The following CHST11 variants were observed in gnomAD, a reference collection of about 807,000 sequenced individuals.
The protein encoded by CHST11 is carbohydrate sulfotransferase 11, also known as C4S-1.
In CHST11, 9 loss-of-function variants were observed where a neutral mutation model predicts 30.4. That is an observed-to-expected ratio of 0.30 (90% confidence interval 0.18 to 0.52). The LOEUF is 0.52. Ranked by LOEUF, CHST11 falls within the 20% of genes least tolerant of loss-of-function variation. The pLI, the probability that CHST11 is intolerant of heterozygous loss-of-function variation, is 0.97. For synonymous variants in CHST11, 152 were observed against 187.8 expected (o/e 0.81, Z 1.56); for missense variants, 348 against 460.6 (o/e 0.76, Z 2.24).
chr12:104,672,418 T>A (rs2039705386), intron 2 of CHST11, among the ~76,000 whole-genome samples: 1 of 152,222 alleles, frequency 6.6e-6, no homozygotes, highest in African/African-American at 2.4e-5. Context: ...AGACCATTGC[T>A]TTCTGCTTTC....
intron 1 of CHST11, among the ~76,000 whole-genome samples, chr12:104,509,673 G>A (rs1428957447): frequency 2.0e-5 from 3 of 152,188 alleles, no homozygotes; most frequent in Non-Finnish European, 2.9e-5. Flanking sequence ...TGGTTGCAGA[G>A]GTGTGGAATA....
chr12:104,698,054 G>A (rs1169634167), intron 2 of CHST11, among the ~76,000 whole-genome samples: 1 of 152,106 alleles, frequency 6.6e-6, no homozygotes, highest in African/African-American at 2.4e-5. Flanking sequence ...TGGTCTCCTG[G>A]CGTCAATGTC....
At chr12:104,607,968 G>T (rs1167036338) in intron 2 of CHST11, among the ~76,000 whole-genome samples, 1 of 152,134 alleles carries the variant, frequency 6.6e-6, no homozygotes, top group African/African-American at 2.4e-5. Context: ...AAATGAAGGG[G>T]TTAGACTGGA....
At chr12:104,638,843 T>A (rs2039349200) in intron 2 of CHST11, among the ~76,000 whole-genome samples, 1 of 152,232 alleles carries the variant, frequency 6.6e-6, no homozygotes, top group South Asian at 2.1e-4. Context: ...TTTTTCTGCT[T>A]CCTAGAACTC....
chr12:104,495,439 A>G (rs768383338), intron 1 of CHST11, among the ~76,000 whole-genome samples: 20 of 152,174 alleles, frequency 1.3e-4, no homozygotes, highest in Non-Finnish European at 5.9e-5. Context: ...TCCTACCAAC[A>G]GTACACAAGG....
rs1437402205 is a variant in CHST11 at position 104,563,280 on chromosome 12, C to T, written c.119-38626C>T. Among the ~76,000 whole-genome samples the T allele has an allele frequency of 3.3e-5, 5 of 152,138 alleles. No individual in the cohort carries two copies. In the South Asian group the frequency reaches 6.2e-4, roughly 19 times the overall value. The stretch of plus-strand genomic sequence containing the variant: ...CTCGAACTCCTGACCTCAAGTGATC[C>T]GCCTGCCTCGGCCTCCCTAAGTGCT... On this transcript the variant is annotated intron_variant, in intron 1 of 2. Transcript: ENST00000303694.
intron 2 of CHST11, among the ~76,000 whole-genome samples, chr12:104,616,382 C>G (rs1416285959): frequency 6.6e-6 from 1 of 152,136 alleles, no homozygotes; most frequent in Non-Finnish European, 1.5e-5. Flanking sequence ...AAAGACAGAT[C>G]CAGGGACCAG....
intron 2 of CHST11, among the ~76,000 whole-genome samples, chr12:104,721,208 G>A (rs1429645870): frequency 1.3e-5 from 2 of 152,206 alleles, no homozygotes; most frequent in Non-Finnish European, 1.5e-5. Flanking sequence ...ACAGATTTAA[G>A]GAGTAGGGCT....
In CHST11 at chr12:104,676,244, G is replaced by A. The variant is rs2039741877; in HGVS notation, c.204+74253G>A. Among the ~76,000 whole-genome samples the A allele has an allele frequency of 6.6e-6, 1 of 152,150 alleles. No homozygotes were observed. Among genetic ancestry groups the A allele is most frequent in the Admixed American group, 6.5e-5 (1 of 15,280 alleles). ...TCTGGAGGTCAGGAGTCTGAAATGGGTCTCCTGGGGCAAGAATCAAGGTGT... is the reference window on the plus strand; with the variant it reads ...TCTGGAGGTCAGGAGTCTGAAATGGATCTCCTGGGGCAAGAATCAAGGTGT... On this transcript the variant is annotated intron_variant, in intron 2 of 2. Transcript: ENST00000303694. The surrounding 1 kb of genome is among the most constrained non-coding windows in gnomAD (Gnocchi z 4.4).
intron 2 of CHST11, among the ~76,000 whole-genome samples, chr12:104,664,247 T>A (rs559889494): frequency 8.5e-5 from 13 of 152,300 alleles, no homozygotes; most frequent in African/African-American, 2.9e-4. Flanking sequence ...GGAACATTTT[T>A]AAAAAGCTGT....
chr12:104,705,316 C>T (rs1003408790), intron 2 of CHST11, among the ~76,000 whole-genome samples: 2 of 152,172 alleles, frequency 1.3e-5, no homozygotes, highest in Non-Finnish European at 2.9e-5. Context: ...CTTCACCTCT[C>T]AGAGCCTCCG....
chr12:104,642,355 A>G (rs2039385471), intron 2 of CHST11, among the ~76,000 whole-genome samples: 3 of 152,176 alleles, frequency 2.0e-5, no homozygotes, highest in African/African-American at 7.2e-5. Context: ...CATTGTAAAG[A>G]CAGAGTACCT....
At chr12:104,737,444 G>A (rs1225301168) in intron 2 of CHST11, among the ~76,000 whole-genome samples, 1 of 152,226 alleles carries the variant, frequency 6.6e-6, no homozygotes, top group African/African-American at 2.4e-5. Flanking sequence ...GGGGATTATT[G>A]TGAGGATTAA....
intron 1 of CHST11, among the ~76,000 whole-genome samples, chr12:104,485,712 C>T (rs1593962572): frequency 6.6e-6 from 1 of 152,204 alleles, no homozygotes; most frequent in East Asian, 1.9e-4. Flanking sequence ...GCCTTGAATT[C>T]AAGCCCAAAG....
intron 1 of CHST11, among the ~76,000 whole-genome samples, chr12:104,491,887 G>A (rs935657116): frequency 1.3e-5 from 2 of 152,104 alleles, no homozygotes; most frequent in African/African-American, 4.8e-5. Context: ...TCAACATTGT[G>A]ACCTGCCCCC....
At chr12:104,716,760 A>G (rs10861272) in intron 2 of CHST11, among the ~76,000 whole-genome samples, 20,378 of 152,264 alleles carry the variant, frequency 0.13, 1,550 homozygotes, top group African/African-American at 0.21. Flanking sequence ...CCCAGAATTT[A>G]CCTTAGATTC....
chr12:104,666,070 G>A (rs1380705388), intron 2 of CHST11, among the ~76,000 whole-genome samples: 5 of 151,766 alleles, frequency 3.3e-5, no homozygotes, highest in Admixed American at 6.6e-5. Flanking sequence ...CGCCCGCCTC[G>A]GCCTCCCAAA....
At chr12:104,656,081 G>A (rs565856427) in intron 2 of CHST11, among the ~76,000 whole-genome samples, 46 of 152,290 alleles carry the variant, frequency 3.0e-4, no homozygotes, top group African/African-American at 9.4e-4. Context: ...CAAGACTTTC[G>A]AACAAACCGT....
rs372658351 is a variant in CHST11, at chr12:104,513,875, C to T, written c.118+56346C>T. ...GCAGTGGCGTCAGAAGGCCAAGGCT[C>T]GGCAACCTTGGATAAGTCACTGTCT... On this transcript the variant is annotated intron_variant, in intron 1 of 2. Transcript: ENST00000303694. Among the ~76,000 whole-genome samples the T allele has an allele frequency of 2.0e-5, 3 of 152,174 alleles. 1 individual carries two copies. Among genetic ancestry groups the T allele is most frequent in the Non-Finnish European group, 4.4e-5 (3 of 68,022 alleles).
Sources: allele counts gnomAD v4.1 joint callset (sites outside exome capture counted in the v4.1 genomes callset), GRCh38; gene constraint gnomAD v4.1.1; non-coding constraint Gnocchi (gnomAD v3.1); transcripts MANE v1.5; gene names NCBI Gene and HGNC (gene_info 2026-07-23, HGNC 2026-07-21).